The following LGR4 variants were observed in gnomAD, a reference collection of about 807,000 sequenced individuals.
LGR4 encodes leucine rich repeat containing G protein-coupled receptor 4.
LGR4 carries 44 observed loss-of-function variants against 84.8 expected under a neutral mutation model. The ratio of observed to expected loss-of-function variants is 0.52; its 90% confidence interval spans 0.41 to 0.67. The LOEUF (loss-of-function observed/expected upper bound fraction) is 0.67. Ranked by LOEUF, LGR4 falls within the 30% of genes least tolerant of loss-of-function variation. The probability of loss-of-function intolerance (pLI) is 0.00; values close to 1 mark genes in which losing one functional copy is unlikely to be tolerated. For missense variants in LGR4, 1,032 were observed against 1,131.4 expected (o/e 0.91, Z 1.26); for synonymous variants, 429 against 434.3 (o/e 0.99, Z 0.15).
At chr11:27,431,476 A>G (rs2133421596) in intron 1 of LGR4, among the ~76,000 whole-genome samples, 1 of 152,320 alleles carries the variant, frequency 6.6e-6, no homozygotes, top group East Asian at 1.9e-4. Flanking sequence ...CTAACATACT[A>G]TAAACATTCA....
At chr11:27,437,798 C>A (rs1338151705) in intron 1 of LGR4, among the ~76,000 whole-genome samples, 1 of 151,316 alleles carries the variant, frequency 6.6e-6, no homozygotes, top group Non-Finnish European at 1.5e-5. Flanking sequence ...GCCCAGGAGT[C>A]TGAGATCAGC....
chr11:27,408,179 T>G (rs1174529358), intron 2 of LGR4, among the ~76,000 whole-genome samples: 4 of 152,134 alleles, frequency 2.6e-5, no homozygotes, highest in Non-Finnish European at 5.9e-5. Context: ...GACCCACCCC[T>G]GTTTTTATTT....
intron 1 of LGR4, among the ~76,000 whole-genome samples, chr11:27,448,373 A>C (rs1452699511): frequency 1.3e-5 from 2 of 151,702 alleles, no homozygotes; most frequent in Non-Finnish European, 2.9e-5. Flanking sequence ...GCTCACCACA[A>C]GCTCCGCCTC....
At chr11:27,376,953 G>A (rs79570880) in intron 12 of LGR4, among the ~76,000 whole-genome samples, 1,969 of 152,190 alleles carry the variant, frequency 0.013, 24 homozygotes, top group South Asian at 0.066. Context: ...CCCGCATAGC[G>A]TTTCATGGGA....
chr11:27,440,893 A>G (rs1037565634), intron 1 of LGR4, among the ~76,000 whole-genome samples: 1 of 152,160 alleles, frequency 6.6e-6, no homozygotes, highest in African/African-American at 2.4e-5. Flanking sequence ...GGGTCTCAGC[A>G]ATGTGTTTTA....
chr11:27,452,791 T>TG (rs1864508913), intron 1 of LGR4, among the ~76,000 whole-genome samples: 1 of 137,354 alleles, frequency 7.3e-6, no homozygotes, highest in East Asian at 2.1e-4. Flanking sequence ...GTCCGGCTAA[T>TG]TTTTTTTTTT....
At chr11:27,420,522 C>T (rs990423720) in intron 1 of LGR4, among the ~76,000 whole-genome samples, 1 of 151,966 alleles carries the variant, frequency 6.6e-6, no homozygotes, top group African/African-American at 2.4e-5. Context: ...CTGTTGTGCA[C>T]AGGTACAAAG....
At chr11:27,447,355 G>A (rs1339333025) in intron 1 of LGR4, among the ~76,000 whole-genome samples, 1 of 151,992 alleles carries the variant, frequency 6.6e-6, no homozygotes, top group Non-Finnish European at 1.5e-5. Flanking sequence ...GCGTCCTCTG[G>A]ACATCCTCAC....
intron 4 of LGR4, among the ~76,000 whole-genome samples, chr11:27,386,125 CT>C (rs1863183084): frequency 6.6e-6 from 1 of 152,128 alleles, no homozygotes; most frequent in African/African-American, 2.4e-5. Context: ...GTCAAATTAT[CT>C]GTTGGAAAAA....
chr11:27,387,033 C>A (rs1451250063), intron 4 of LGR4, among the ~76,000 whole-genome samples: 2 of 152,142 alleles, frequency 1.3e-5, no homozygotes, highest in East Asian at 3.9e-4. Context: ...TGTGTGCACA[C>A]ACACATGCGC....
chr11:27,405,981 C>T (rs1050029445), intron 2 of LGR4, among the ~76,000 whole-genome samples: 2 of 152,142 alleles, frequency 1.3e-5, no homozygotes, highest in Non-Finnish European at 2.9e-5. Flanking sequence ...TTCAGTCTGC[C>T]AAAATGTCCT....
rs1002663561 is a variant in LGR4 at position 27,380,906 on chromosome 11, G to C, written c.819C>G (p.Leu273=). 1 of 1,543,328 alleles carries C rather than the reference G, an allele frequency of 6.5e-7. No homozygotes were observed. Among genetic ancestry groups the C allele is most frequent in the Non-Finnish European group, 9.0e-7 (1 of 1,116,204 alleles). The change falls in exon 8 of 18, where the codon CTC becomes CTG. Residue 273 remains leucine (L), a synonymous_variant. Transcript: ENST00000379214. ...IPDGAFDGNP[L]LRTIHLYDNP... ...TCAAAAATACTTACATAGTTCTTAA[G>C]AGTGGATTACCATCAAATGCTCCAT...
At chr11:27,394,427 G>C (rs950813145) in intron 2 of LGR4, among the ~76,000 whole-genome samples, 3 of 151,974 alleles carry the variant, frequency 2.0e-5, no homozygotes, top group Non-Finnish European at 4.4e-5. Flanking sequence ...TTTTGAGACG[G>C]AGTCTCACTC....
intron 17 of LGR4, among the ~76,000 whole-genome samples, chr11:27,370,444 A>G (rs1862858937): frequency 6.6e-6 from 1 of 152,174 alleles, no homozygotes; most frequent in Admixed American, 6.5e-5. Context: ...TTACTTTTCC[A>G]AAAAAGCCTG....
intron 1 of LGR4, among the ~76,000 whole-genome samples, chr11:27,420,911 A>T (rs1225326537): frequency 6.6e-6 from 1 of 152,144 alleles, no homozygotes; most frequent in Non-Finnish European, 1.5e-5. Flanking sequence ...AAAAGATAAG[A>T]CCACCAAGGA....
intron 2 of LGR4, among the ~76,000 whole-genome samples, chr11:27,397,033 C>T (rs76125210): frequency 0.024 from 3,661 of 152,248 alleles, 134 homozygotes; most frequent in African/African-American, 0.084. Context: ...TGAACTTCCA[C>T]AGGATTCCTG....
chr11:27,366,855 G>C lies in LGR4; in HGVS notation c.*1012C>G, dbSNP rs903997703. The C allele has an allele frequency of 1.3e-5, 2 of 152,034 alleles. No individual in the cohort carries two copies. The highest frequency in any genetic ancestry group is 2.1e-4 in the South Asian group (1 of 4,824). 9.4% of individuals were successfully genotyped at this position (152,034 alleles called of 1,614,324 possible). A position where few individuals can be genotyped will look rare whatever the true frequency, so the allele number is the denominator to read the frequency against. ...AATAGCACAGGTTCAAGATAATCCA[G>C]CTCACTAAGAAATAAACATAAGTAC... On this transcript the variant is annotated 3_prime_UTR_variant, in exon 18 of 18. Transcript: ENST00000379214.
intron 1 of LGR4, among the ~76,000 whole-genome samples, chr11:27,463,902 T>A (rs1460290677): frequency 6.6e-6 from 1 of 152,230 alleles, no homozygotes; most frequent in African/African-American, 2.4e-5. Flanking sequence ...CCGCGTACAC[T>A]TCAACTTGTG....
intron 1 of LGR4, among the ~76,000 whole-genome samples, chr11:27,460,968 T>C (rs1347696373): frequency 6.6e-6 from 1 of 151,924 alleles, no homozygotes; most frequent in African/African-American, 2.4e-5. Context: ...CCAATCTAAA[T>C]AGGTTGTGAG....
Sources: gnomAD v4.1 joint callset for allele counts (sites outside exome capture counted in the v4.1 genomes callset) on GRCh38, gnomAD v4.1.1 for gene constraint, MANE v1.5 for transcripts, NCBI Gene and HGNC (gene_info 2026-07-23, HGNC 2026-07-21) for gene names.